Variants in SH3PXD2B observed in about 807,000 individuals in gnomAD.
SH3PXD2B encodes SH3 and PX domain-containing protein 2B.
In SH3PXD2B, 37 loss-of-function variants were observed where a neutral mutation model predicts 73.1. The observed-to-expected ratio is 0.51, with a 90% CI of 0.39 to 0.67. The LOEUF (loss-of-function observed/expected upper bound fraction) is 0.67. SH3PXD2B is among the 30% of genes least tolerant of loss of function. The pLI is 0.00. For missense variants in SH3PXD2B, 1,053 were observed against 1,197.8 expected (o/e 0.88, Z 1.78); for synonymous variants, 457 against 480.5 (o/e 0.95, Z 0.64).
chr5:172,355,274 C>T (rs1324449400), intron 8 of SH3PXD2B, among the ~76,000 whole-genome samples: 2 of 152,232 alleles, frequency 1.3e-5, no homozygotes, highest in African/African-American at 2.4e-5. Flanking sequence ...ATCTAGCCTG[C>T]TGACCTGCTC....
chr5:172,337,590 G>T lies in SH3PXD2B; in HGVS notation c.*779C>A. ...ATTCTTGCTTTAGGTAGGCAAAAAT[G>T]AAATGCTCCAAGTTGGGGTGGGAAC... is the stretch of plus-strand genomic sequence containing the variant. On this transcript the variant is annotated 3_prime_UTR_variant, in exon 13 of 13. Coordinates refer to ENST00000311601, the MANE Select transcript of SH3PXD2B (RefSeq NM_001017995.3). The T allele has an allele frequency of 1.0e-6, 1 of 985,558 alleles. No homozygotes were observed. The highest frequency in any genetic ancestry group is 1.2e-6 in the Non-Finnish European group (1 of 830,008). The allele number at this position is 985,558 out of a possible 1,614,324, so 61.1% of individuals were successfully genotyped here.
At chr5:172,398,220 C>T (rs1031910687) in intron 3 of SH3PXD2B, among the ~76,000 whole-genome samples, 13 of 152,184 alleles carry the variant, frequency 8.5e-5, no homozygotes, top group Non-Finnish European at 1.6e-4. Context: ...GCATGCCTGC[C>T]CATGCTTTAA....
chr5:172,423,547 G>GGGC (rs1554141214), intron 1 of SH3PXD2B, among the ~76,000 whole-genome samples: 1 of 129,796 alleles, frequency 7.7e-6, no homozygotes, highest in African/African-American at 3.2e-5. Flanking sequence ...TACGGGGTTG[G>GGGC]GGGGGGGGGC....
At chr5:172,345,016 G>A (rs1756959142) in intron 12 of SH3PXD2B, among the ~76,000 whole-genome samples, 1 of 149,768 alleles carries the variant, frequency 6.7e-6, no homozygotes, top group Non-Finnish European at 1.5e-5. Flanking sequence ...AGAGAAGGAG[G>A]GAAAGGAGGG....
chr5:172,450,172 T>C (rs527520882), intron 1 of SH3PXD2B, among the ~76,000 whole-genome samples: 44 of 152,208 alleles, frequency 2.9e-4, no homozygotes, highest in African/African-American at 9.6e-4. Flanking sequence ...AATAAGTGAA[T>C]TGCACACTTA....
At chr5:172,430,814 A>G (rs1759219101) in intron 1 of SH3PXD2B, among the ~76,000 whole-genome samples, 1 of 152,162 alleles carries the variant, frequency 6.6e-6, no homozygotes, top group African/African-American at 2.4e-5. Flanking sequence ...CAGGAAAGAA[A>G]ACCAAACCCC....
At chr5:172,408,592 G>T (rs898289008) in intron 2 of SH3PXD2B, among the ~76,000 whole-genome samples, 3 of 145,744 alleles carry the variant, frequency 2.1e-5, no homozygotes, top group Non-Finnish European at 4.5e-5. Flanking sequence ...AGGCTGGGGT[G>T]CAATGGCATG....
In SH3PXD2B at chr5:172,338,576, A is replaced by C. The variant is rs776797028; in HGVS notation, c.2529T>G (p.Ser843=). ...CCTTCAGGCCGTCGGCATTGGGGAC[A>C]GAGGCTGCAGCTGCTTTCTCCCTGT... ...GENREKAAAA[S]VPNADGLKDS... is the part of the protein sequence containing the mutation. The change falls in exon 13 of 13, where the codon TCT becomes TCG. Residue 843 remains serine, a synonymous_variant. Transcript: ENST00000311601. This position sits in a 1 kb window ranked among gnomAD's most constrained non-coding sequence, Gnocchi z 5.1. 2 of 1,614,144 alleles carry C rather than the reference A, an allele frequency of 1.2e-6. No homozygotes were observed. The highest frequency in any genetic ancestry group is 1.7e-6 in the Non-Finnish European group (2 of 1,179,994).
intron 1 of SH3PXD2B, among the ~76,000 whole-genome samples, chr5:172,446,490 C>G (rs144937409): frequency 2.6e-5 from 4 of 152,312 alleles, no homozygotes; most frequent in African/African-American, 7.2e-5. Flanking sequence ...AGCAAGACTG[C>G]TCCCCTGACA....
intron 3 of SH3PXD2B, among the ~76,000 whole-genome samples, chr5:172,403,685 A>G (rs1758486285): frequency 6.6e-6 from 1 of 152,204 alleles, no homozygotes; most frequent in Admixed American, 6.5e-5. Context: ...TTTGCCTTTT[A>G]TCCAGTAAAG....
At chr5:172,348,416 C>A (rs923902556) in intron 10 of SH3PXD2B, among the ~76,000 whole-genome samples, 1 of 151,916 alleles carries the variant, frequency 6.6e-6, no homozygotes, top group Admixed American at 6.6e-5. Context: ...TAGTAGTGAG[C>A]CGTTCTGGAC....
At chr5:172,406,091 C>T (rs1451970068) in intron 3 of SH3PXD2B, among the ~76,000 whole-genome samples, 186 bp downstream of exon 3, 1 of 152,190 alleles carries the variant, frequency 6.6e-6, no homozygotes, top group African/African-American at 2.4e-5. Flanking sequence ...ATTTTTCACT[C>T]ATGTAAAAAT....
At chr5:172,325,957 T>C (rs576831107) in intron 12 of SH3PXD2B, among the ~76,000 whole-genome samples, 64 of 152,300 alleles carry the variant, frequency 4.2e-4, no homozygotes, top group African/African-American at 1.5e-3. Context: ...CTGGCTAATT[T>C]TGTATTTTTA....
In SH3PXD2B at chr5:172,348,675, C is replaced by CTATCTATG. The variant is rs1554135157; in HGVS notation, c.1013-1344_1013-1343insCATAGATA. ...CTATCCTATCTATCTATCTATCTATCTATCTATCTATCTATCTATCTATCT... is the reference window on the plus strand; with the variant it reads ...CTATCCTATCTATCTATCTATCTATCTATCTATGTATCTATCTATCTATCTATCTATCT... On this transcript the variant is annotated intron_variant, in intron 10 of 12. Transcript: ENST00000311601. 1.1e-4 allele frequency among the ~76,000 whole-genome samples: 6 copies of CTATCTATG among 56,672 alleles called. No homozygotes were observed. In the East Asian group the frequency reaches 9.6e-3, roughly 91 times the overall value. 37.2% of individuals were successfully genotyped at this position (56,672 alleles called of 152,430 possible).
chr5:172,377,354 A>G (rs73804821), intron 5 of SH3PXD2B, among the ~76,000 whole-genome samples: 2,801 of 152,266 alleles, frequency 0.018, 80 homozygotes, highest in African/African-American at 0.064. Flanking sequence ...ACCAACCCCA[A>G]TGGGTATAAC....
downstream of SH3PXD2B, among the ~76,000 whole-genome samples, chr5:172,329,045 ATGTG>A (rs1247148362): frequency 4.5e-4 from 57 of 126,744 alleles, no homozygotes; most frequent in South Asian, 8.3e-4. Flanking sequence ...ATATATATGT[ATGTG>A]TGTGTGTGTG....
At chr5:172,454,156 G>A in intron 1 of SH3PXD2B, 122 bp downstream of exon 1, 1 of 667,662 alleles carries the variant, frequency 1.5e-6, no homozygotes, top group Admixed American at 3.1e-5. Flanking sequence ...GCAGAGCCGA[G>A]GGGAGAGCAG....
chr5:172,331,194 C>CA (rs551793633), downstream of SH3PXD2B, among the ~76,000 whole-genome samples: 3 of 151,682 alleles, frequency 2.0e-5, no homozygotes, highest in East Asian at 1.9e-4. Flanking sequence ...GACTCTTGTC[C>CA]AAAAAAATAA....
At chr5:172,401,454 G>T (rs560400594) in intron 3 of SH3PXD2B, among the ~76,000 whole-genome samples, 1 of 152,280 alleles carries the variant, frequency 6.6e-6, no homozygotes, top group South Asian at 2.1e-4. Context: ...TCTATTGGGG[G>T]CTCCACTGTA....
Sources: allele counts gnomAD v4.1 joint callset (sites outside exome capture counted in the v4.1 genomes callset), GRCh38; gene constraint gnomAD v4.1.1; non-coding constraint Gnocchi (gnomAD v3.1); transcripts MANE v1.5; gene names NCBI Gene and HGNC (gene_info 2026-07-23, HGNC 2026-07-21).